APCDD1L: variants seen among roughly 807,000 people sequenced by gnomAD.
APCDD1L encodes protein APCDD1-like.
In APCDD1L, 21 loss-of-function variants were observed where a neutral mutation model predicts 24.2. The observed-to-expected ratio is 0.87, with a 90% CI of 0.61 to 1.25. The LOEUF is 1.25. Ranked by LOEUF, APCDD1L falls within the 50% of genes most tolerant of loss-of-function variation. The probability of loss-of-function intolerance (pLI) is 0.00; values close to 1 mark genes in which losing one functional copy is unlikely to be tolerated. For synonymous variants in APCDD1L, 321 were observed against 323.6 expected, an observed-to-expected ratio of 0.99 and a Z score of 0.09; for missense variants, 704 against 711.7, an observed-to-expected ratio of 0.99 and a Z score of 0.12.
In APCDD1L at chr20:58,494,839, C is replaced by A. The variant is rs985440184; in HGVS notation, c.49+19820G>T. On this transcript the variant is annotated intron_variant, in intron 1 of 3. Transcript: ENST00000371149. The surrounding 1 kb of genome is among the most constrained non-coding windows in gnomAD (Gnocchi z 4.8). ...AGCGCCTGGCAGTCCCTTGGCCACA[C>A]CCCACTTGTACCCACCCTGGGGCCT... Among the ~76,000 whole-genome samples the A allele has an allele frequency of 6.6e-6, 1 of 152,272 alleles. No homozygotes were observed. The highest frequency in any genetic ancestry group is 6.5e-5 in the Admixed American group (1 of 15,300).
intron 1 of APCDD1L, among the ~76,000 whole-genome samples, chr20:58,474,283 T>A (rs1989867522): frequency 1.3e-5 from 2 of 152,156 alleles, no homozygotes; most frequent in African/African-American, 4.8e-5. Context: ...ATGCACCCAT[T>A]TTGCTGATGA....
At chr20:58,510,234 G>C (rs572062754) in intron 1 of APCDD1L, among the ~76,000 whole-genome samples, 1 of 152,256 alleles carries the variant, frequency 6.6e-6, no homozygotes, top group African/African-American at 2.4e-5. Context: ...CTATCTGATT[G>C]GTCCTTCTGT....
intron 1 of APCDD1L, among the ~76,000 whole-genome samples, chr20:58,474,639 G>T (rs895893094): frequency 1.3e-5 from 2 of 152,230 alleles, no homozygotes; most frequent in Non-Finnish European, 2.9e-5. Context: ...AGGAGGCAGA[G>T]GTTGCAGTGG....
rs74586448 is a variant in APCDD1L at position 58,475,367 on chromosome 20, G to C, written c.50-4620C>G. Among the ~76,000 whole-genome samples, 64 of 152,254 alleles carry C rather than the reference G, an allele frequency of 4.2e-4. No homozygotes were observed. In the East Asian group the frequency reaches 7.3e-3, roughly 17 times the overall value. On this transcript the variant is annotated intron_variant, in intron 1 of 3. Coordinates refer to ENST00000371149, the MANE Select transcript of APCDD1L (RefSeq NM_153360.3). ...CTTCGTATTCCAACAGTCACGCGTC[G>C]GTTTTAGAGGGTGTTAAAAGTGGCG...
chr20:58,466,817 T>C (rs1989714541), intron 3 of APCDD1L, among the ~76,000 whole-genome samples: 1 of 151,886 alleles, frequency 6.6e-6, no homozygotes, highest in African/African-American at 2.4e-5. Flanking sequence ...GGGGCAGAAA[T>C]GAGATCCTGC....
intron 1 of APCDD1L, among the ~76,000 whole-genome samples, chr20:58,505,107 G>A (rs1247937367): frequency 6.6e-6 from 1 of 152,080 alleles, no homozygotes; most frequent in African/African-American, 2.4e-5. Context: ...CCCTCCCAGA[G>A]ATAACTGCTC....
chr20:58,485,732 A>G (rs938496258), intron 1 of APCDD1L, among the ~76,000 whole-genome samples: 1 of 152,224 alleles, frequency 6.6e-6, no homozygotes, highest in African/African-American at 2.4e-5. Context: ...TGCTTCTGCA[A>G]TACAGCTTAT....
intron 1 of APCDD1L, among the ~76,000 whole-genome samples, chr20:58,473,866 A>T (rs1360245337): frequency 2.0e-5 from 3 of 152,244 alleles, no homozygotes; most frequent in African/African-American, 4.8e-5. Context: ...TTGAAATTAG[A>T]TAGCATTGTT....
At chr20:58,502,210 C>G (rs1053149890) in intron 1 of APCDD1L, among the ~76,000 whole-genome samples, 5 of 152,152 alleles carry the variant, frequency 3.3e-5, no homozygotes, top group Non-Finnish European at 5.9e-5. Flanking sequence ...GAGTGATTCT[C>G]CTGCCTCAGC....
At chr20:58,464,727 T>C (rs1989675384) in intron 3 of APCDD1L, among the ~76,000 whole-genome samples, 1 of 152,234 alleles carries the variant, frequency 6.6e-6, no homozygotes, top group Non-Finnish European at 1.5e-5. Context: ...AAAATGTTCA[T>C]GTTTACCATC....
At position 58,508,990 on chromosome 20, in the gene APCDD1L, A is replaced by G. The variant is rs1294049564; in HGVS notation, c.49+5669T>C. Among the ~76,000 whole-genome samples, 4 of 101,944 alleles carry G rather than the reference A, an allele frequency of 3.9e-5. No homozygotes were observed. Among genetic ancestry groups the G allele is most frequent in the East Asian group, 6.9e-4 (2 of 2,918 alleles). 66.9% of individuals were successfully genotyped at this position (101,944 alleles called of 152,430 possible). ...TGTGCGCACGTGTGTGTGCATGTGC[A>G]TGCGTGTGTGTGTGTGTGTGTGTGT... is the stretch of plus-strand genomic sequence containing the variant. On this transcript the variant is annotated intron_variant, in intron 1 of 3. Coordinates refer to ENST00000371149, the MANE Select transcript of APCDD1L (RefSeq NM_153360.3). The surrounding 1 kb of genome is among the most constrained non-coding windows in gnomAD (Gnocchi z 4.0).
chr20:58,513,914 G>T lies in APCDD1L; in HGVS notation c.49+745C>A, dbSNP rs150582348. On this transcript the variant is annotated intron_variant, in intron 1 of 3. Coordinates refer to ENST00000371149, the MANE Select transcript of APCDD1L (RefSeq NM_153360.3). ...TCTCAGCCATTCATAATGTGAGGGT[G>T]CTTGGGGATGAGCCCCCAGCTGGGC... 354 of 1,303,966 alleles carry T rather than the reference G, an allele frequency of 2.7e-4. 2 individuals carry two copies. The African/African-American group carries it at 5.1e-3, about 19-fold the overall frequency. 80.8% of individuals were successfully genotyped at this position (1,303,966 alleles called of 1,614,324 possible).
In APCDD1L at chr20:58,494,834, C is replaced by T. The variant is rs1472629681; in HGVS notation, c.49+19825G>A. ...CACTGAGCGCCTGGCAGTCCCTTGG[C>T]CACACCCCACTTGTACCCACCCTGG... On this transcript the variant is annotated intron_variant, in intron 1 of 3. Coordinates refer to ENST00000371149, the MANE Select transcript of APCDD1L (RefSeq NM_153360.3). This position sits in a 1 kb window ranked among gnomAD's most constrained non-coding sequence, Gnocchi z 4.8. 1.3e-5 allele frequency among the ~76,000 whole-genome samples: 2 copies of T among 152,186 alleles called. No individual in the cohort carries two copies. Among genetic ancestry groups the T allele is most frequent in the Non-Finnish European group, 2.9e-5 (2 of 68,018 alleles).
intron 3 of APCDD1L, among the ~76,000 whole-genome samples, chr20:58,462,826 A>G (rs1448878203): frequency 6.7e-6 from 1 of 149,536 alleles, no homozygotes; most frequent in Non-Finnish European, 1.5e-5. Flanking sequence ...CCTGGGGGAC[A>G]GAGCGAGACA....
At chr20:58,471,009 G>C (rs76792515) in intron 1 of APCDD1L, among the ~76,000 whole-genome samples, 7,390 of 152,300 alleles carry the variant, frequency 0.049, 289 homozygotes, top group Non-Finnish European at 0.071. Context: ...CCTAGATGGA[G>C]CCTGTCCCAG....
At chr20:58,469,426 C>T (rs1989771858) in intron 2 of APCDD1L, among the ~76,000 whole-genome samples, 1 of 152,098 alleles carries the variant, frequency 6.6e-6, no homozygotes. Context: ...GGCTCTGGGG[C>T]CTTTCCCACT....
At chr20:58,470,856 G>C in intron 1 of APCDD1L, 109 bp from the exon 2 acceptor site, 1 of 1,413,566 alleles carries the variant, frequency 7.1e-7, no homozygotes, top group African/African-American at 1.4e-5. Flanking sequence ...GGGCTGTCCC[G>C]CAACCTCCAT....
At chr20:58,473,366 T>G (rs1479933683) in intron 1 of APCDD1L, among the ~76,000 whole-genome samples, 1 of 152,170 alleles carries the variant, frequency 6.6e-6, no homozygotes, top group Non-Finnish European at 1.5e-5. Flanking sequence ...GAACTGGGAT[T>G]TAATTATGTT....
intron 2 of APCDD1L, among the ~76,000 whole-genome samples, chr20:58,469,142 C>G (rs2123139234): frequency 6.6e-6 from 1 of 152,294 alleles, no homozygotes; most frequent in South Asian, 2.1e-4. Flanking sequence ...AGTGGCTCTG[C>G]TCCCCATATC....
Sources: gnomAD v4.1 joint callset for allele counts (sites outside exome capture counted in the v4.1 genomes callset) on GRCh38, gnomAD v4.1.1 for gene constraint, Gnocchi (gnomAD v3.1) non-coding constraint, MANE v1.5 for transcripts, NCBI Gene and HGNC (gene_info 2026-07-23, HGNC 2026-07-21) for gene names.